The following ST6GALNAC3 variants were observed in gnomAD, a reference collection of about 807,000 sequenced individuals.
The protein encoded by ST6GALNAC3 is alpha-N-acetylgalactosaminide alpha-2,6-sialyltransferase 3.
Under a neutral mutation model 32.7 loss-of-function variants are expected in ST6GALNAC3, and 25 were observed. The observed-to-expected ratio is 0.76, with a 90% confidence interval of 0.56 to 1.07. ST6GALNAC3 has a LOEUF of 1.07. Ranked by LOEUF, ST6GALNAC3 falls within the 50% of genes least tolerant of loss-of-function variation. The pLI is 0.00. For missense variants in ST6GALNAC3, 355 were observed against 382.4 expected (o/e 0.93, Z 0.60); for synonymous variants, 129 against 133.1 (o/e 0.97, Z 0.21).
At chr1:76,368,122 C>A (rs1650525127) in intron 2 of ST6GALNAC3, among the ~76,000 whole-genome samples, 1 of 152,014 alleles carries the variant, frequency 6.6e-6, no homozygotes, top group African/African-American at 2.4e-5. Context: ...CTGTGAAGAC[C>A]AGCTGGCAAA....
rs544073875 is a variant in ST6GALNAC3 at position 76,253,796 on chromosome 1, T to C, written c.19-60009T>C. ...CCCTCTTTGCAGAGCATTCTGACTT[T>C]CTTAGTTTCCAATATTCTAGCAGAT... is the stretch of plus-strand genomic sequence containing the variant. On this transcript the variant is annotated intron_variant, in intron 1 of 4. Transcript: ENST00000328299. Among the ~76,000 whole-genome samples, 4 of 152,258 alleles carry C rather than the reference T, an allele frequency of 2.6e-5. No homozygotes were observed. The South Asian group carries it at 8.3e-4, about 32-fold the overall frequency.
intron 2 of ST6GALNAC3, among the ~76,000 whole-genome samples, chr1:76,346,035 T>C (rs1297728064): frequency 1.3e-5 from 2 of 151,714 alleles, no homozygotes; most frequent in Non-Finnish European, 2.9e-5. Context: ...CTACCATCTC[T>C]TCCTCCTGCT....
chr1:76,374,382 T>C (rs1265270816), intron 2 of ST6GALNAC3, among the ~76,000 whole-genome samples: 1 of 152,128 alleles, frequency 6.6e-6, no homozygotes, highest in Non-Finnish European at 1.5e-5. Context: ...GTAATAATGG[T>C]TAGGGATGAG....
intron 3 of ST6GALNAC3, among the ~76,000 whole-genome samples, chr1:76,527,183 G>A (rs550022737): frequency 1.1e-4 from 17 of 151,950 alleles, no homozygotes; most frequent in Non-Finnish European, 1.9e-4. Context: ...CCCAGGTTTC[G>A]CGTTGGTGAC....
At chr1:76,151,796 G>GTCCCATCCTGCAGCATCCTGAA (rs1651061688) in intron 1 of ST6GALNAC3, among the ~76,000 whole-genome samples, 1 of 152,180 alleles carries the variant, frequency 6.6e-6, no homozygotes, top group African/African-American at 2.4e-5. Context: ...TTTGCTGCAG[G>GTCCCATCCTGCAGCATCCTGAA]TCCCATCCCG....
intron 1 of ST6GALNAC3, among the ~76,000 whole-genome samples, chr1:76,176,716 A>G (rs573377950): frequency 3.3e-5 from 5 of 152,348 alleles, no homozygotes; most frequent in African/African-American, 9.6e-5. Context: ...CTATATAAGA[A>G]TAAAATATCA....
intron 3 of ST6GALNAC3, among the ~76,000 whole-genome samples, chr1:76,584,267 G>C (rs1646930604): frequency 6.6e-6 from 1 of 152,196 alleles, no homozygotes; most frequent in African/African-American, 2.4e-5. Context: ...ATCTATCCCA[G>C]GTTGGATTGT....
chr1:76,541,608 A>G (rs896282526), intron 3 of ST6GALNAC3, among the ~76,000 whole-genome samples: 3 of 152,228 alleles, frequency 2.0e-5, no homozygotes, highest in Non-Finnish European at 4.4e-5. Context: ...GTGGCTTTCA[A>G]GGGCCTTGCC....
At chr1:76,572,634 T>C (rs1471051937) in intron 3 of ST6GALNAC3, among the ~76,000 whole-genome samples, 1 of 152,138 alleles carries the variant, frequency 6.6e-6, no homozygotes, top group African/African-American at 2.4e-5. Context: ...TCTCCATAAA[T>C]ACACACATTT....
At chr1:76,139,198 GAA>G (rs201381711) in intron 1 of ST6GALNAC3, among the ~76,000 whole-genome samples, 9 of 123,294 alleles carry the variant, frequency 7.3e-5, no homozygotes, top group Admixed American at 8.2e-5. Context: ...CGTCTCAATG[GAA>G]AAAAAAAAAA....
intron 2 of ST6GALNAC3, among the ~76,000 whole-genome samples, chr1:76,320,388 T>A (rs1449129495): frequency 3.9e-5 from 6 of 152,162 alleles, no homozygotes; most frequent in African/African-American, 1.2e-4. Context: ...GTGTGGCTCT[T>A]CTTTTTGTTT....
At chr1:76,553,678 T>A (rs1664761852) in intron 3 of ST6GALNAC3, among the ~76,000 whole-genome samples, 2 of 73,990 alleles carry the variant, frequency 2.7e-5, no homozygotes, top group African/African-American at 6.9e-5. Flanking sequence ...TTCTCTCTAT[T>A]TTTACTCGTC....
intron 1 of ST6GALNAC3, among the ~76,000 whole-genome samples, chr1:76,141,795 C>T (rs1289384834): frequency 2.6e-5 from 4 of 152,198 alleles, no homozygotes; most frequent in Non-Finnish European, 4.4e-5. Context: ...TCAGTCTCCT[C>T]ATGACAACCA....
chr1:76,119,101 G>A (rs944623442), intron 1 of ST6GALNAC3, among the ~76,000 whole-genome samples: 1 of 152,174 alleles, frequency 6.6e-6, no homozygotes, highest in Non-Finnish European at 1.5e-5. Context: ...GATTACCAGC[G>A]TGAGCCACTG....
rs374102075 is a variant in ST6GALNAC3 at position 76,183,284 on chromosome 1, C to T, written c.18+108400C>T. Among the ~76,000 whole-genome samples the T allele has an allele frequency of 1.6e-4, 24 of 152,174 alleles. 1 individual carries two copies. The South Asian group carries it at 3.9e-3, about 25-fold the overall frequency. On this transcript the variant is annotated intron_variant, in intron 1 of 4. Coordinates refer to ENST00000328299, the MANE Select transcript of ST6GALNAC3 (RefSeq NM_152996.4). ...TCATTTGTTTATTGATATAGTATTA[C>T]ATTATTATTTAGTTAAGCAAATGGT...
intron 2 of ST6GALNAC3, among the ~76,000 whole-genome samples, chr1:76,398,823 G>C (rs1039328766): frequency 6.6e-6 from 1 of 152,134 alleles, no homozygotes; most frequent in African/African-American, 2.4e-5. Flanking sequence ...TTAATGAAAA[G>C]TTTACACTCC....
At chr1:76,521,311 G>A (rs12239934) in intron 3 of ST6GALNAC3, among the ~76,000 whole-genome samples, 2,735 of 150,502 alleles carry the variant, frequency 0.018, 83 homozygotes, top group African/African-American at 0.064. Context: ...ACACACACAC[G>A]CGCGTACATA....
chr1:76,251,301 C>T (rs535880876), intron 1 of ST6GALNAC3, among the ~76,000 whole-genome samples: 7 of 152,260 alleles, frequency 4.6e-5, no homozygotes, highest in African/African-American at 1.4e-4. Flanking sequence ...CCACACCCAA[C>T]TTCTCTAATC....
intron 1 of ST6GALNAC3, among the ~76,000 whole-genome samples, chr1:76,152,899 C>A (rs1456333341): frequency 6.6e-6 from 1 of 152,152 alleles, no homozygotes; most frequent in Non-Finnish European, 1.5e-5. Flanking sequence ...TTTCTTATTT[C>A]CTGAAGCCCA....
Sources: allele counts gnomAD v4.1 joint callset (sites outside exome capture counted in the v4.1 genomes callset), GRCh38; gene constraint gnomAD v4.1.1; transcripts MANE v1.5; gene names NCBI Gene and HGNC (gene_info 2026-07-23, HGNC 2026-07-21).